TLR9: variants seen among roughly 807,000 people sequenced by gnomAD.
TLR9 encodes toll-like receptor 9.
A neutral mutation model predicts 24.6 loss-of-function variants in TLR9; 19 were observed. The observed-to-expected ratio is 0.77, with a 90% CI of 0.54 to 1.13. The LOEUF (loss-of-function observed/expected upper bound fraction) is 1.13, where lower values mean the gene tolerates loss of function less well. TLR9 is among the 50% of genes most tolerant of loss of function. The probability of loss-of-function intolerance (pLI) is 0.00; values close to 1 mark genes in which losing one functional copy is unlikely to be tolerated. For missense variants in TLR9, 1,065 were observed against 1,379.6 expected, an observed-to-expected ratio of 0.77 and a Z score of 3.61; for synonymous variants, 579 against 609.8, an observed-to-expected ratio of 0.95 and a Z score of 0.74.
Position 52,222,440 on chromosome 3 carries a change from C to T in TLR9, c.1876G>A (p.Gly626Ser), listed in dbSNP as rs201860133. 1.2e-6 allele frequency: 2 copies of T among 1,614,204 alleles called. No homozygotes were observed. The highest frequency in any genetic ancestry group is 2.2e-5 in the East Asian group (1 of 44,890). Residue 626 changes from glycine to serine, a missense_variant, in exon 2 of 2, where the codon GGC becomes AGC. By Grantham distance (56) the Gly-to-Ser change is moderately conservative (BLOSUM62 0). Transcript: ENST00000360658. ...TCCAGCCAGATCAAACCGCTCAGGCCTTGGAAGAAGTGCAGATAGAGGTCT... is the reference window on the plus strand; with the variant it reads ...TCCAGCCAGATCAAACCGCTCAGGCTTTGGAAGAAGTGCAGATAGAGGTCT... ...EGDLYLHFFQ[G>S]LSGLIWLDLS...
At position 52,224,031 on chromosome 3, in the gene TLR9, C is replaced by T. The variant is rs771504639; in HGVS notation, c.285G>A (p.Lys95=). ...HLPSLRHLNL[K]WNCPPVGLSP... ...TGAGGCCAACCGGCGGGCAGTTCCA[C>T]TTGAGGTTGAGATGCCGCAGGCTGG... The change falls in exon 2 of 2, where the codon AAG becomes AAA. Residue 95 remains lysine, a synonymous_variant. Transcript: ENST00000360658. 9.5e-6 allele frequency: 15 copies of T among 1,586,390 alleles called. No homozygotes were observed. The South Asian group carries it at 1.4e-4, about 14-fold the overall frequency.
rs376087748 is a variant in TLR9 at position 52,223,870 on chromosome 3, G to T, written c.446C>A (p.Ser149Tyr). Reference sequence around the variant, plus strand: ...CATCAGGATGTTGGTATGGCTGAGGGACAGGGATATGAGGGATTTGGGCAG... The same window carrying T: ...CATCAGGATGTTGGTATGGCTGAGGTACAGGGATATGAGGGATTTGGGCAG... ...PALPKSLISL[S>Y]LSHTNILMLD... Residue 149 changes from serine to tyrosine, a missense_variant, in exon 2 of 2, where the codon TCC becomes TAC. Physicochemically the swap from Ser to Tyr is moderately radical, Grantham distance 144 (BLOSUM62 -2). Coordinates refer to ENST00000360658, the MANE Select transcript of TLR9 (RefSeq NM_017442.4). The T allele has an allele frequency of 6.2e-7, 1 of 1,612,238 alleles. No individual in the cohort carries two copies. The highest frequency in any genetic ancestry group is 1.3e-5 in the African/African-American group (1 of 74,896).
Position 52,221,889 on chromosome 3 carries a change from G to A in TLR9, c.2427C>T (p.Cys809=). 6.2e-7 allele frequency: 1 copy of A among 1,613,694 alleles called. No individual in the cohort carries two copies. Residue 809 remains cysteine (C), a synonymous_variant, in exon 2 of 2, where the codon TGC becomes TGT. Transcript: ENST00000360658. This position sits in a 1 kb window ranked among gnomAD's most constrained non-coding sequence, Gnocchi z 9.9. ...AGTCCCAGGAGAGGGCCTCATCCAG[G>A]CAGAGGCGCAGGTCCTGTGCAAAGA... ...LSIFAQDLRL[C]LDEALSWDCF... is the part of the protein sequence containing the mutation.
In TLR9 at chr3:52,224,201, G is replaced by C. The variant is rs750628960; in HGVS notation, c.115C>G (p.Pro39Ala). 6.2e-7 allele frequency: 1 copy of C among 1,611,760 alleles called. No homozygotes were observed. Among genetic ancestry groups the C allele is most frequent in the South Asian group, 1.1e-5 (1 of 90,854 alleles). The change falls in exon 2 of 2, where the codon CCC becomes GCC. Residue 39 changes from proline (P) to alanine (A), a missense_variant. By Grantham distance (27) the Pro-to-Ala change is conservative. Transcript: ENST00000360658. ...CAGTTGCAGTTCACCAGGCCGTGGG[G>C]CTGGAGCTCACAGGGTAGGAAGGCA... The part of the protein sequence containing the change: ...LPAFLPCELQ[P>A]HGLVNCNWLF...
At chr3:52,224,473 G>T (rs1397265706) in intron 1 of TLR9, among the ~76,000 whole-genome samples, 161 bp from the exon 2 acceptor site, 1 of 152,160 alleles carries the variant, frequency 6.6e-6, no homozygotes, top group Admixed American at 6.5e-5. Flanking sequence ...CCCATGGCTT[G>T]TGGGGAACCT....
At chr3:52,224,754 CG>C (rs1406977732) in intron 1 of TLR9, among the ~76,000 whole-genome samples, 1 of 152,238 alleles carries the variant, frequency 6.6e-6, no homozygotes, top group Non-Finnish European at 1.5e-5. Context: ...CCTTTTCCTT[CG>C]GCCAAGATTC....
Position 52,222,335 on chromosome 3 carries a change from G to C in TLR9, c.1981C>G (p.Arg661Gly), listed in dbSNP as rs759702310. 1 of 1,614,222 alleles carries C rather than the reference G, an allele frequency of 6.2e-7. No individual in the cohort carries two copies. Among genetic ancestry groups the C allele is most frequent in the East Asian group, 2.2e-5 (1 of 44,890 alleles). ...LPKSLQVLRLRDNYLAFFKWW... is the reference protein window; with the variant it reads ...LPKSLQVLRLGDNYLAFFKWW... ...TTAAAGAAGGCCAGGTAATTGTCAC[G>C]GAGACGCAGCACCTGTAGGCTCTTG... Residue 661 changes from arginine (R) to glycine (G), a missense_variant, in exon 2 of 2, where the codon CGT becomes GGT. Arg to Gly is a moderately radical substitution (Grantham distance 125). Coordinates refer to ENST00000360658, the MANE Select transcript of TLR9 (RefSeq NM_017442.4).
chr3:52,221,126 G>A lies in TLR9; in HGVS notation c.*91C>T. On this transcript the variant is annotated 3_prime_UTR_variant, in exon 2 of 2. Transcript: ENST00000360658. The surrounding 1 kb of genome is among the most constrained non-coding windows in gnomAD (Gnocchi z 9.9). ...GAGTGCCTGCTCTGTGTCAGGTGTGGGGTGAGGGAGGCGAGCAGGGGAGGG... is the reference window on the plus strand; with the variant it reads ...GAGTGCCTGCTCTGTGTCAGGTGTGAGGTGAGGGAGGCGAGCAGGGGAGGG... The A allele has an allele frequency of 8.2e-7, 1 of 1,214,018 alleles. No homozygotes were observed. Among genetic ancestry groups the A allele is most frequent in the Non-Finnish European group, 1.1e-6 (1 of 873,110 alleles). The allele number at this position is 1,214,018 out of a possible 1,614,324, so 75.2% of individuals were successfully genotyped here.
rs1259167420 is a variant in TLR9, at chr3:52,223,202, G to C, written c.1114C>G (p.His372Asp). 6.2e-7 allele frequency: 1 copy of C among 1,613,738 alleles called. No homozygotes were observed. The highest frequency in any genetic ancestry group is 1.1e-5 in the South Asian group (1 of 91,018). Residue 372 changes from histidine to aspartate, a missense_variant, in exon 2 of 2, where the codon CAC (histidine) becomes GAC (aspartate). By Grantham distance (81) the His-to-Asp change is moderately conservative. Coordinates refer to ENST00000360658, the MANE Select transcript of TLR9 (RefSeq NM_017442.4). ...TCGAGTGAGCGGAAGAAGATGCCGT[G>C]CATGTCCAGCTCCTTCAGGGCGACC... ...SLVALKELDM[H>D]GIFFRSLDET... is the part of the protein sequence containing the mutation.
Position 52,222,365 on chromosome 3 carries a change from G to A in TLR9, c.1951C>T (p.Leu651Phe), listed in dbSNP as rs1699569962. 6.2e-7 allele frequency: 1 copy of A among 1,614,108 alleles called. No individual in the cohort carries two copies. The highest frequency in any genetic ancestry group is 8.5e-7 in the Non-Finnish European group (1 of 1,180,056). ...HTLLPQTLRN[L>F]PKSLQVLRLR... ...CGCAGCACCTGTAGGCTCTTGGGGA[G>A]GTTGCGCAGGGTTTGGGGCAGGAGG... The change falls in exon 2 of 2, where the codon CTC becomes TTC. Residue 651 changes from leucine (L) to phenylalanine (F), a missense_variant. Leu to Phe is a conservative substitution (Grantham distance 22, BLOSUM62 0). Transcript: ENST00000360658.
chr3:52,224,827 G>C (rs1699605311), intron 1 of TLR9, among the ~76,000 whole-genome samples: 1 of 152,258 alleles, frequency 6.6e-6, no homozygotes, highest in South Asian at 2.1e-4. Flanking sequence ...ACCCTGGCCA[G>C]AGGGCACTGC....
Position 52,222,396 on chromosome 3 carries a change from C to A in TLR9, c.1920G>T (p.Leu640=). 6.2e-7 allele frequency: 1 copy of A among 1,614,208 alleles called. No individual in the cohort carries two copies. The highest frequency in any genetic ancestry group is 8.5e-7 in the Non-Finnish European group (1 of 1,180,044). ...GCAGGGTTTGGGGCAGGAGGGTGTGCAGGCGGTTCTGGGACAAGTCCAGCC... is the reference window on the plus strand; with the variant it reads ...GCAGGGTTTGGGGCAGGAGGGTGTGAAGGCGGTTCTGGGACAAGTCCAGCC... ...LIWLDLSQNR[L]HTLLPQTLRN... The change falls in exon 2 of 2, where the codon CTG becomes CTT. Residue 640 remains leucine (L), a synonymous_variant. Transcript: ENST00000360658.
Position 52,222,093 on chromosome 3 carries a change from G to C in TLR9, c.2223C>G (p.Asp741Glu). 1 of 1,612,456 alleles carries C rather than the reference G, an allele frequency of 6.2e-7. No individual in the cohort carries two copies. The highest frequency in any genetic ancestry group is 8.5e-7 in the Non-Finnish European group (1 of 1,179,186). Residue 741 changes from aspartate to glutamate, a missense_variant, in exon 2 of 2, where the codon GAC (aspartate) becomes GAG (glutamate). Asp to Glu is a conservative substitution (Grantham distance 45). Coordinates refer to ENST00000360658, the MANE Select transcript of TLR9 (RefSeq NM_017442.4). ...NLSANALKTV[D>E]HSWFGPLASA... ...TCGCCAGGGGCCCAAACCAGGAGTG[G>C]TCCACTGTCTTGAGGGCGTTGGCGC... is the stretch of plus-strand genomic sequence containing the variant.
In TLR9 at chr3:52,223,704, C is replaced by G. The variant is rs150009336; in HGVS notation, c.612G>C (p.Leu204=). The part of the protein sequence containing the change: ...ALLGLGNLTH[L]SLKYNNLTVV... The stretch of plus-strand genomic sequence containing the variant: ...CAGTGAGGTTGTTGTACTTGAGTGA[C>G]AGGTGGGTGAGGTTGCCCAGGCCAA... The change falls in exon 2 of 2, where the codon CTG becomes CTC. Residue 204 remains leucine (L), a synonymous_variant. Transcript: ENST00000360658. The G allele has an allele frequency of 8.8e-6, 14 of 1,595,256 alleles. No individual in the cohort carries two copies. In the African/African-American group the frequency reaches 1.9e-4, roughly 21 times the overall value.
rs1228312597 is a variant in TLR9, at chr3:52,223,672, G to A, written c.644C>T (p.Pro215Leu). 2 of 1,598,382 alleles carry A rather than the reference G, an allele frequency of 1.3e-6. No homozygotes were observed. The highest frequency in any genetic ancestry group is 1.7e-6 in the Non-Finnish European group (2 of 1,171,804). The change falls in exon 2 of 2, where the codon CCC becomes CTC. Residue 215 changes from proline (P) to leucine (L), a missense_variant. Physicochemically the swap from Pro to Leu is moderately conservative, Grantham distance 98. Coordinates refer to ENST00000360658, the MANE Select transcript of TLR9 (RefSeq NM_017442.4). ...CTCCAGGCTGGAAGGCAGGTTGCGG[G>A]GCACCACAGTGAGGTTGTTGTACTT... ...SLKYNNLTVVPRNLPSSLEYL... is the reference protein window; with the variant it reads ...SLKYNNLTVVLRNLPSSLEYL...
In TLR9 at chr3:52,224,066, C is replaced by T; in HGVS notation, c.250G>A (p.Ala84Thr). Residue 84 changes from alanine (A) to threonine (T), a missense_variant, in exon 2 of 2, where the codon GCC becomes ACC. By Grantham distance (58) the Ala-to-Thr change is moderately conservative. Transcript: ENST00000360658. ...AGATGCCGCAGGCTGGGCAGGTGGG[C>T]AAAGTCAGAATCATGGAGGTGGTGG... ...RIHHLHDSDF[A>T]HLPSLRHLNL... is the part of the protein sequence containing the mutation. 1 of 1,571,880 alleles carries T rather than the reference C, an allele frequency of 6.4e-7. No homozygotes were observed. Among genetic ancestry groups the T allele is most frequent in the Non-Finnish European group, 8.7e-7 (1 of 1,154,920 alleles).
Position 52,221,343 on chromosome 3 carries a change from ACT to A in TLR9, c.2971_2972del (p.Ser991CysfsTer31), listed in dbSNP as rs778969818. The stretch of plus-strand genomic sequence containing the variant: ...TGGGCTGGTGGGGCCAGAGGAGGAC[ACT>A]CTGGCGGCAGAGGCGCTGGCGCAGC... ...VRLRQRLCRQSVLLWPHQPSG... is the reference protein window; with the variant it reads ...VRLRQRLCRQXVLLWPHQPSG... On this transcript the variant is annotated frameshift_variant, in exon 2 of 2. Transcript: ENST00000360658. LOFTEE classifies it high-confidence loss of function. This position sits in a 1 kb window ranked among gnomAD's most constrained non-coding sequence, Gnocchi z 9.9. 1.3e-6 allele frequency: 2 copies of A among 1,581,488 alleles called. No homozygotes were observed. Among genetic ancestry groups the A allele is most frequent in the East Asian group, 2.2e-5 (1 of 44,452 alleles).
intron 1 of TLR9, among the ~76,000 whole-genome samples, chr3:52,225,278 G>T (rs920349585): frequency 6.6e-6 from 1 of 151,702 alleles, no homozygotes; most frequent in South Asian, 2.1e-4. Context: ...GGGAGGTGGA[G>T]ATTGCAGTGA....
Position 52,224,095 on chromosome 3 carries a change from C to A in TLR9, c.221G>T (p.Arg74Leu). The change falls in exon 2 of 2, where the codon CGC (arginine) becomes CTC (leucine). Residue 74 changes from arginine to leucine, a missense_variant. Coordinates refer to ENST00000360658, the MANE Select transcript of TLR9 (RefSeq NM_017442.4). ...NVTSLSLSSN[R>L]IHHLHDSDFA... ...GTCAGAATCATGGAGGTGGTGGATG[C>A]GGTTGGAGGACAAGGAAAGGCTGGT... 1.3e-6 allele frequency: 2 copies of A among 1,564,796 alleles called. No individual in the cohort carries two copies. Among genetic ancestry groups the A allele is most frequent in the Non-Finnish European group, 1.7e-6 (2 of 1,150,952 alleles).
Sources: gnomAD v4.1 joint callset for allele counts (sites outside exome capture counted in the v4.1 genomes callset) on GRCh38, gnomAD v4.1.1 for gene constraint, Gnocchi (gnomAD v3.1) non-coding constraint, MANE v1.5 for transcripts, NCBI Gene and HGNC (gene_info 2026-07-23, HGNC 2026-07-21) for gene names.